Variants in COL23A1 observed in about 807,000 individuals in gnomAD.
COL23A1 encodes the protein collagen alpha-1(XXIII) chain.
COL23A1 carries 97 observed loss-of-function variants against 99.3 expected under a neutral mutation model. That is an observed-to-expected ratio of 0.98 (90% CI 0.83 to 1.16). The LOEUF (loss-of-function observed/expected upper bound fraction) is 1.16, where lower values mean the gene tolerates loss of function less well. Among genes scored for constraint, COL23A1 ranks in the 50% most tolerant of loss-of-function variants. The pLI is 0.00. For missense variants in COL23A1, 762 were observed against 757.4 expected (o/e 1.01, Z -0.07); for synonymous variants, 320 against 308.2 (o/e 1.04, Z -0.40).
chr5:178,322,214 G>C (rs34098943), intron 2 of COL23A1, among the ~76,000 whole-genome samples: 55,637 of 151,108 alleles, frequency 0.37, 10,835 homozygotes, highest in African/African-American at 0.48. Context: ...GGCTGTTCTT[G>C]AACTCCTGAC....
In COL23A1 at chr5:178,387,423, G is replaced by A. The variant is rs182603345; in HGVS notation, c.362-80504C>T. Reference sequence around the variant, plus strand: ...CCCAGGTGGGTCCCTCCACAGGAGCGCTCCTCCCGAAACCCACCCACCGGA... The same window carrying A: ...CCCAGGTGGGTCCCTCCACAGGAGCACTCCTCCCGAAACCCACCCACCGGA... On this transcript the variant is annotated intron_variant, in intron 2 of 28. Coordinates refer to ENST00000390654, the MANE Select transcript of COL23A1 (RefSeq NM_173465.4). This position sits in a 1 kb window ranked among gnomAD's most constrained non-coding sequence, Gnocchi z 4.7. 7.9e-5 allele frequency among the ~76,000 whole-genome samples: 12 copies of A among 152,144 alleles called. No homozygotes were observed. The East Asian group carries it at 1.4e-3, about 17-fold the overall frequency.
intron 5 of COL23A1, among the ~76,000 whole-genome samples, chr5:178,287,482 C>T (rs907924272): frequency 5.9e-5 from 9 of 152,206 alleles, no homozygotes; most frequent in South Asian, 2.1e-4. Context: ...GTCACTCAGC[C>T]GAGAGGAAGC....
At chr5:178,420,971 G>A (rs1289336059) in intron 2 of COL23A1, among the ~76,000 whole-genome samples, 1 of 151,970 alleles carries the variant, frequency 6.6e-6, no homozygotes, top group Non-Finnish European at 1.5e-5. Context: ...GCGTGGGGGG[G>A]TCACAGGATC....
chr5:178,238,758 C>G, intron 28 of COL23A1, 58 bp from the exon 29 acceptor site: 1 of 1,611,426 alleles, frequency 6.2e-7, no homozygotes, highest in Non-Finnish European at 8.5e-7. Flanking sequence ...CCGCCCCCAT[C>G]CAGGCCACCT....
intron 2 of COL23A1, among the ~76,000 whole-genome samples, chr5:178,355,809 T>C (rs1761617147): frequency 6.6e-6 from 1 of 152,182 alleles, no homozygotes. Flanking sequence ...GATCTGTGTT[T>C]AGCTGAATCC....
At chr5:178,354,805 C>G (rs905898240) in intron 2 of COL23A1, among the ~76,000 whole-genome samples, 1 of 152,118 alleles carries the variant, frequency 6.6e-6, no homozygotes, top group African/African-American at 2.4e-5. Flanking sequence ...GCCTGTAATC[C>G]TAGCACTTTG....
intron 2 of COL23A1, among the ~76,000 whole-genome samples, chr5:178,326,301 T>C (rs748688876): frequency 3.9e-5 from 6 of 151,942 alleles, no homozygotes; most frequent in Admixed American, 2.0e-4. Flanking sequence ...TTTCTGAACG[T>C]CCCTAAACAC....
chr5:178,290,758 T>TG (rs1432522815), intron 3 of COL23A1, among the ~76,000 whole-genome samples: 1 of 152,310 alleles, frequency 6.6e-6, no homozygotes, highest in South Asian at 2.1e-4. Context: ...GCAAACATTT[T>TG]GGACAGAGAG....
At chr5:178,575,540 C>T (rs1763307434) in intron 1 of COL23A1, among the ~76,000 whole-genome samples, 1 of 152,168 alleles carries the variant, frequency 6.6e-6, no homozygotes, top group African/African-American at 2.4e-5. Flanking sequence ...TCATTATTTC[C>T]ACCTATCTTT....
chr5:178,249,354 CCGGATGCAGTGGGTGTGGGGCTAGGG>C, intron 18 of COL23A1, 148 bp from the exon 19 acceptor site: 3 of 772,662 alleles, frequency 3.9e-6, no homozygotes, highest in Non-Finnish European at 6.6e-6. Flanking sequence ...GGAGCCTCAC[CCGGATGCAGTGGGTGTGGGGCTAGGG>C]CACGCCACTC....
intron 2 of COL23A1, among the ~76,000 whole-genome samples, chr5:178,488,400 C>T (rs1757745490): frequency 6.6e-6 from 1 of 152,162 alleles, no homozygotes; most frequent in Admixed American, 6.5e-5. Flanking sequence ...GACCCGGAAT[C>T]TCTAAATTTG....
At position 178,471,337 on chromosome 5, in the gene COL23A1, G is replaced by A. The variant is rs189495026; in HGVS notation, c.361+89345C>T. ...GCTCACTGAAAGCTCAGCCTCCTGG[G>A]TTCAAGTGATTCTCCTGCCTCAGCC... On this transcript the variant is annotated intron_variant, in intron 2 of 28. Transcript: ENST00000390654. Among the ~76,000 whole-genome samples the A allele has an allele frequency of 9.2e-3, 1,401 of 152,256 alleles. 12 individuals are homozygous for A. The highest frequency in any genetic ancestry group is 0.013 in the Non-Finnish European group (874 of 68,020).
At chr5:178,580,477 T>TC (rs981499673) in intron 1 of COL23A1, among the ~76,000 whole-genome samples, 4 of 151,872 alleles carry the variant, frequency 2.6e-5, no homozygotes, top group African/African-American at 9.7e-5. Context: ...TTTTTTTTTT[T>TC]CCCCAATGGT....
At chr5:178,463,549 C>A in intron 2 of COL23A1, among the ~76,000 whole-genome samples, 1 of 152,134 alleles carries the variant, frequency 6.6e-6, no homozygotes, top group East Asian at 1.9e-4. Context: ...CTTTGGAAAC[C>A]GCCACTGGGA....
intron 2 of COL23A1, among the ~76,000 whole-genome samples, chr5:178,334,804 G>A (rs1760232251): frequency 6.6e-6 from 1 of 152,196 alleles, no homozygotes; most frequent in Non-Finnish European, 1.5e-5. Context: ...GTCTTAGGAG[G>A]TGGGAATATT....
At chr5:178,467,636 G>A (rs914553788) in intron 2 of COL23A1, among the ~76,000 whole-genome samples, 2 of 152,154 alleles carry the variant, frequency 1.3e-5, no homozygotes, top group African/African-American at 2.4e-5. Context: ...GCTGTGTGTT[G>A]CCAAATCCCC....
intron 2 of COL23A1, among the ~76,000 whole-genome samples, chr5:178,359,452 C>T (rs962156243): frequency 1.8e-4 from 27 of 152,082 alleles, no homozygotes; most frequent in East Asian, 1.9e-4. Flanking sequence ...TGCTTGAACC[C>T]GGGAGGTGGA....
chr5:178,541,379 G>A (rs570082036), intron 2 of COL23A1, among the ~76,000 whole-genome samples: 1 of 152,328 alleles, frequency 6.6e-6, no homozygotes, highest in South Asian at 2.1e-4. Context: ...CTTGAGGCCA[G>A]GAGTTCAAGA....
At chr5:178,408,364 G>C (rs1764867423) in intron 2 of COL23A1, among the ~76,000 whole-genome samples, 1 of 152,106 alleles carries the variant, frequency 6.6e-6, no homozygotes, top group Non-Finnish European at 1.5e-5. Context: ...AAGGAATATT[G>C]GAACATCAGG....
Sources: allele counts gnomAD v4.1 joint callset (sites outside exome capture counted in the v4.1 genomes callset), GRCh38; gene constraint gnomAD v4.1.1; non-coding constraint Gnocchi (gnomAD v3.1); transcripts MANE v1.5; gene names NCBI Gene and HGNC (gene_info 2026-07-23, HGNC 2026-07-21).